Variants in RAI14 observed in about 807,000 individuals in gnomAD.
RAI14 encodes ankycorbin.
RAI14 carries 45 observed loss-of-function variants against 115.4 expected under a neutral mutation model. The ratio of observed to expected loss-of-function variants is 0.39; its 90% CI spans 0.31 to 0.50. RAI14 has a LOEUF of 0.50. RAI14 is among the 20% of genes least tolerant of loss of function. The pLI, the probability that RAI14 is intolerant of heterozygous loss-of-function variation, is 0.85. For missense variants in RAI14, 939 were observed against 1,131.2 expected (o/e 0.83, Z 2.44); for synonymous variants, 371 against 415.4 (o/e 0.89, Z 1.30).
At chr5:34,737,341 A>G (rs1744993369) in intron 2 of RAI14, among the ~76,000 whole-genome samples, 2 of 152,200 alleles carry the variant, frequency 1.3e-5, no homozygotes, top group Non-Finnish European at 2.9e-5. Flanking sequence ...AAGTAGTATT[A>G]GCGTAAAATT....
chr5:34,769,912 G>A lies in RAI14; in HGVS notation c.167+12314G>A, dbSNP rs753851175. The stretch of plus-strand genomic sequence containing the variant: ...TAGCTAATTTTTGTATTTTTTAGTA[G>A]AGATGTGGGTTTCACCATGTTGGCC... On this transcript the variant is annotated intron_variant, in intron 3 of 17. Coordinates refer to ENST00000265109, the MANE Select transcript of RAI14 (RefSeq NM_015577.3). 7.7e-4 allele frequency among the ~76,000 whole-genome samples: 117 copies of A among 152,200 alleles called. 1 individual carries two copies. Among genetic ancestry groups the A allele is most frequent in the Non-Finnish European group, 1.4e-3 (92 of 68,004 alleles).
intron 2 of RAI14, among the ~76,000 whole-genome samples, chr5:34,697,929 T>C (rs1274166763): frequency 1.3e-5 from 2 of 152,168 alleles, no homozygotes; most frequent in African/African-American, 2.4e-5. Context: ...CCTAGACATG[T>C]AACTTTATTA....
intron 2 of RAI14, among the ~76,000 whole-genome samples, chr5:34,752,737 G>GTA (rs1188674461): frequency 3.9e-5 from 4 of 101,460 alleles, no homozygotes; most frequent in African/African-American, 1.2e-4. Flanking sequence ...GTGTGTGTGT[G>GTA]TGTGTGTGTG....
intron 2 of RAI14, among the ~76,000 whole-genome samples, chr5:34,741,388 C>T (rs535309657): frequency 1.3e-5 from 2 of 152,316 alleles, no homozygotes; most frequent in South Asian, 2.1e-4. Context: ...CTTAGCCCTA[C>T]ACTGTTCCCC....
chr5:34,657,106 G>T (rs1486688485), intron 1 of RAI14: 2 of 152,520 alleles, frequency 1.3e-5, no homozygotes, highest in East Asian at 3.9e-4. Context: ...CCCCTACCTT[G>T]TTTTCCCCGC....
intron 3 of RAI14, among the ~76,000 whole-genome samples, chr5:34,772,241 C>CGTTTCTCA (rs1447704578): frequency 1.3e-5 from 2 of 152,058 alleles, no homozygotes; most frequent in African/African-American, 4.8e-5. Flanking sequence ...CAAATGGTGC[C>CGTTTCTCA]GTTTCTCAGT....
Position 34,824,281 on chromosome 5 carries a change from G to A in RAI14, c.2439G>A (p.Glu813=). 6.2e-7 allele frequency: 1 copy of A among 1,614,234 alleles called. No homozygotes were observed. Among genetic ancestry groups the A allele is most frequent in the South Asian group, 1.1e-5 (1 of 91,092 alleles). The change falls in exon 15 of 18, where the codon GAG becomes GAA. Residue 813 remains glutamate, a synonymous_variant. Coordinates refer to ENST00000265109, the MANE Select transcript of RAI14 (RefSeq NM_015577.3). ...CGAAATTAAAGGAATCTGTGAAAGA[G>A]AAAGAGAAGGTCCATTCAGAGGTTG... ...LASKLKESVK[E]KEKVHSEVVQ...
At chr5:34,779,286 G>C (rs1751298838) in intron 3 of RAI14, among the ~76,000 whole-genome samples, 1 of 152,130 alleles carries the variant, frequency 6.6e-6, no homozygotes, top group Non-Finnish European at 1.5e-5. Flanking sequence ...GGCAAAAACT[G>C]GAAGCATTCC....
At chr5:34,700,847 G>A (rs1579955700) in intron 2 of RAI14, among the ~76,000 whole-genome samples, 2 of 152,316 alleles carry the variant, frequency 1.3e-5, no homozygotes, top group East Asian at 3.9e-4. Flanking sequence ...ACACTAAAGA[G>A]CCACAGTTAT....
intron 2 of RAI14, among the ~76,000 whole-genome samples, chr5:34,694,937 C>T (rs1739042087): frequency 6.6e-6 from 1 of 152,044 alleles, no homozygotes; most frequent in Admixed American, 6.6e-5. Context: ...CTCGCTCTGT[C>T]ACCCAGGCTG....
intron 2 of RAI14, among the ~76,000 whole-genome samples, chr5:34,698,760 G>C (rs1201645884): frequency 6.6e-6 from 1 of 152,150 alleles, no homozygotes; most frequent in East Asian, 1.9e-4. Flanking sequence ...TGGGGTGGGT[G>C]AAATAGAAGA....
rs1752897628 is a variant in RAI14, at chr5:34,791,309, C to T, written c.168-4630C>T. On this transcript the variant is annotated intron_variant, in intron 3 of 17. Transcript: ENST00000265109. The surrounding 1 kb of genome is among the most constrained non-coding windows in gnomAD (Gnocchi z 5.4). ...ACTAAAGTCATTTGTTTTTCTTACC[C>T]GTGGAGAGGTGTATTCTTGAACCCT... Among the ~76,000 whole-genome samples the T allele has an allele frequency of 6.6e-6, 1 of 152,030 alleles. No homozygotes were observed. Among genetic ancestry groups the T allele is most frequent in the Non-Finnish European group, 1.5e-5 (1 of 68,006 alleles).
Position 34,688,004 on chromosome 5 carries a change from C to T in RAI14, c.36+1049C>T, listed in dbSNP as rs1370180500. 3.9e-6 allele frequency: 5 copies of T among 1,286,992 alleles called. No individual in the cohort carries two copies. The African/African-American group carries it at 7.5e-5, about 19-fold the overall frequency. The allele number at this position is 1,286,992 out of a possible 1,614,324, so 79.7% of individuals were successfully genotyped here. A position where few individuals can be genotyped will look rare whatever the true frequency, so the allele number is the denominator to read the frequency against. On this transcript the variant is annotated intron_variant, in intron 2 of 17. Transcript: ENST00000265109. ...TTATGGGATGATGGTAAAATACCGA[C>T]CCACTTAAAGAAAGAACTGGGAAGC...
At chr5:34,671,161 T>G (rs763433078) in intron 1 of RAI14, among the ~76,000 whole-genome samples, 41 of 152,106 alleles carry the variant, frequency 2.7e-4, no homozygotes, top group Non-Finnish European at 8.8e-5. Context: ...TGGGTGCACC[T>G]TGTCAGCCCT....
chr5:34,797,600 T>C (rs533689072), intron 4 of RAI14, among the ~76,000 whole-genome samples: 1 of 152,306 alleles, frequency 6.6e-6, no homozygotes, highest in South Asian at 2.1e-4. Flanking sequence ...TCCAAAAATA[T>C]TTTGAGAAAT....
At chr5:34,790,848 A>T (rs116760955) in intron 3 of RAI14, among the ~76,000 whole-genome samples, 7 of 151,696 alleles carry the variant, frequency 4.6e-5, no homozygotes, top group African/African-American at 1.4e-4. Flanking sequence ...AAGAACCCTC[A>T]TTATTACACA....
intron 3 of RAI14, among the ~76,000 whole-genome samples, chr5:34,766,075 A>C (rs1469896581): frequency 6.6e-6 from 1 of 152,240 alleles, no homozygotes; most frequent in Non-Finnish European, 1.5e-5. Context: ...GGATTTCAGA[A>C]GATGTATGGA....
chr5:34,799,083 G>A (rs1753883319), intron 4 of RAI14, among the ~76,000 whole-genome samples: 1 of 152,166 alleles, frequency 6.6e-6, no homozygotes, highest in South Asian at 2.1e-4. Context: ...ATGGAAAAAA[G>A]TGCATCTAGA....
At chr5:34,779,429 A>T (rs910366044) in intron 3 of RAI14, among the ~76,000 whole-genome samples, 95 of 152,358 alleles carry the variant, frequency 6.2e-4, no homozygotes, top group African/African-American at 2.1e-3. Context: ...GAGGAAGTCA[A>T]ATTGTCCCTG....
Sources: allele counts gnomAD v4.1 joint callset (sites outside exome capture counted in the v4.1 genomes callset), GRCh38; gene constraint gnomAD v4.1.1; non-coding constraint Gnocchi (gnomAD v3.1); transcripts MANE v1.5; gene names NCBI Gene and HGNC (gene_info 2026-07-23, HGNC 2026-07-21).